Variants in ADCY9 observed in about 807,000 individuals in gnomAD.
ADCY9 encodes the protein adenylate cyclase 9.
Under a neutral mutation model 101.5 loss-of-function variants are expected in ADCY9, and 50 were observed. The ratio of observed to expected loss-of-function variants is 0.49; its 90% CI spans 0.39 to 0.62. The LOEUF (loss-of-function observed/expected upper bound fraction) is 0.62, where lower values mean the gene tolerates loss of function less well. Among genes scored for constraint, ADCY9 ranks in the 20% least tolerant of loss-of-function variants. The pLI, the probability that ADCY9 is intolerant of heterozygous loss-of-function variation, is 0.00. For synonymous variants in ADCY9, 905 were observed against 769.3 expected (o/e 1.18, Z -2.92); for missense variants, 1,662 against 1,800.4 (o/e 0.92, Z 1.39).
chr16:4,097,036 A>C (rs2057007813), intron 2 of ADCY9, among the ~76,000 whole-genome samples: 1 of 152,184 alleles, frequency 6.6e-6, no homozygotes, highest in African/African-American at 2.4e-5. Context: ...ACCAGGAGCT[A>C]CAATATTATT....
downstream of ADCY9, chr16:3,962,544 C>T (rs1267990932): frequency 1.3e-5 from 2 of 152,276 alleles, no homozygotes; most frequent in Middle Eastern, 3.4e-3. Context: ...AAGGCAAACC[C>T]ACCCAGGTGA....
Position 4,114,320 on chromosome 16 carries a change from T to A in ADCY9, c.1123A>T (p.Ile375Phe). Residue 375 changes from isoleucine (I) to phenylalanine (F), a missense_variant, in exon 2 of 11, where the codon ATC (isoleucine) becomes TTC (phenylalanine). By Grantham distance (21) the Ile-to-Phe change is conservative (BLOSUM62 0). This residue lies in a region of ADCY9 where 228 missense variants were observed against 301.1 expected (regional missense o/e 0.76). Transcript: ENST00000294016. This position sits in a 1 kb window ranked among gnomAD's most constrained non-coding sequence, Gnocchi z 4.3. ...CGGAAGGCTATAGGAGCTTTTTGGATGGAAGACTTTTTCTTCCTGTTCTTG... is the reference window on the plus strand; with the variant it reads ...CGGAAGGCTATAGGAGCTTTTTGGAAGGAAGACTTTTTCTTCCTGTTCTTG... ...SPKNRKKKSS[I>F]QKAPIAFRPF... The A allele has an allele frequency of 6.2e-7, 1 of 1,613,994 alleles. No individual in the cohort carries two copies. The highest frequency in any genetic ancestry group is 8.5e-7 in the Non-Finnish European group (1 of 1,180,036).
chr16:4,085,615 G>A (rs1472646797), intron 2 of ADCY9, among the ~76,000 whole-genome samples: 1 of 152,086 alleles, frequency 6.6e-6, no homozygotes, highest in Non-Finnish European at 1.5e-5. Flanking sequence ...ACCCTGACTG[G>A]TTACATGGAA....
At chr16:3,985,672 G>A (rs2056186106) in intron 6 of ADCY9, among the ~76,000 whole-genome samples, 1 of 152,068 alleles carries the variant, frequency 6.6e-6, no homozygotes, top group African/African-American at 2.4e-5. Context: ...CAAGCCAAGG[G>A]CTCGGGTACA....
chr16:4,115,086 C>A lies in ADCY9; in HGVS notation c.357G>T (p.Ala119=). 1 of 1,613,980 alleles carries A rather than the reference C, an allele frequency of 6.2e-7. No homozygotes were observed. The highest frequency in any genetic ancestry group is 8.5e-7 in the Non-Finnish European group (1 of 1,180,036). ...FPQTQRRFRY[A]LFYIGFACLL... The stretch of plus-strand genomic sequence containing the variant: ...GGCAGGCGAAGCCGATGTAGAAGAG[C>A]GCATACCGGAACCGGCGCTGGGTCT... Residue 119 remains alanine, a synonymous_variant, in exon 2 of 11, where the codon GCG becomes GCT. Transcript: ENST00000294016. This position sits in a 1 kb window ranked among gnomAD's most constrained non-coding sequence, Gnocchi z 6.2.
chr16:4,011,393 A>G (rs769145902), intron 2 of ADCY9, among the ~76,000 whole-genome samples: 17 of 152,104 alleles, frequency 1.1e-4, no homozygotes, highest in Non-Finnish European at 2.5e-4. Flanking sequence ...GCGGGAGGAG[A>G]AAGAAGAGCC....
At chr16:4,046,484 C>T (rs76539032) in intron 2 of ADCY9, among the ~76,000 whole-genome samples, 8,139 of 152,248 alleles carry the variant, frequency 0.053, 773 homozygotes, top group African/African-American at 0.19. Flanking sequence ...GCAGAACCAA[C>T]AACATTCCCA....
In ADCY9 at chr16:4,114,002, T is replaced by C. The variant is rs561305813; in HGVS notation, c.1441A>G (p.Lys481Glu). Reference protein sequence around the residue: ...KAIEQFCQEKKEMVNMRVGVH... With the variant: ...KAIEQFCQEKEEMVNMRVGVH... ...CCGACTCTCATGTTCACCATCTCCT[T>C]CTTCTCCTGGCAGAACTGCTCGATG... is the stretch of plus-strand genomic sequence containing the variant. The change falls in exon 2 of 11, where the codon AAG becomes GAG. Residue 481 changes from lysine to glutamate, a missense_variant. Physicochemically the swap from Lys to Glu is moderately conservative, Grantham distance 56. Around this residue, in one of 5 missense-constraint regions of ADCY9, gnomAD observed 228 missense variants for 301.1 expected, o/e 0.76. Coordinates refer to ENST00000294016, the MANE Select transcript of ADCY9 (RefSeq NM_001116.4). The surrounding 1 kb of genome is among the most constrained non-coding windows in gnomAD (Gnocchi z 4.3). 3.7e-5 allele frequency: 60 copies of C among 1,613,828 alleles called. 2 individuals are homozygous for C. In the South Asian group the frequency reaches 5.3e-4, roughly 14 times the overall value.
intron 2 of ADCY9, among the ~76,000 whole-genome samples, chr16:4,055,089 A>G (rs973142767): frequency 6.6e-6 from 1 of 152,202 alleles, no homozygotes; most frequent in Non-Finnish European, 1.5e-5. Context: ...GGGGAGGCAC[A>G]CAAGGCAGAC....
chr16:4,043,382 T>A (rs1451058508), intron 2 of ADCY9, among the ~76,000 whole-genome samples: 2 of 150,634 alleles, frequency 1.3e-5, no homozygotes, highest in African/African-American at 4.9e-5. Context: ...TTTTTCACAA[T>A]GTGGAGTCTG....
chr16:4,089,971 C>G (rs1162825710), intron 2 of ADCY9, among the ~76,000 whole-genome samples: 2 of 152,072 alleles, frequency 1.3e-5, no homozygotes, highest in Non-Finnish European at 2.9e-5. Flanking sequence ...TCCTAACAAA[C>G]AGTAAACCAC....
chr16:4,045,472 G>A (rs2141142867), intron 2 of ADCY9, among the ~76,000 whole-genome samples: 1 of 151,670 alleles, frequency 6.6e-6, no homozygotes, highest in South Asian at 2.1e-4. Flanking sequence ...GCGTGTACCT[G>A]TAATCCCAGC....
intron 2 of ADCY9, among the ~76,000 whole-genome samples, chr16:4,112,667 T>C (rs2057121289): frequency 6.6e-6 from 1 of 152,088 alleles, no homozygotes; most frequent in African/African-American, 2.4e-5. Flanking sequence ...TGTTTAAGTA[T>C]GCAGTGTGTG....
chr16:4,045,704 T>C (rs1006498083), intron 2 of ADCY9, among the ~76,000 whole-genome samples: 3 of 150,626 alleles, frequency 2.0e-5, no homozygotes, highest in East Asian at 3.9e-4. Flanking sequence ...TTGAAAACCC[T>C]TGTGAATTTT....
chr16:4,105,400 G>A (rs187544587), intron 2 of ADCY9, among the ~76,000 whole-genome samples: 4 of 152,132 alleles, frequency 2.6e-5, no homozygotes, highest in Non-Finnish European at 2.9e-5. Context: ...GGCCGGGCAT[G>A]GTGGCTCACA....
intron 5 of ADCY9, among the ~76,000 whole-genome samples, chr16:3,954,661 G>A (rs562928760): frequency 2.6e-5 from 4 of 152,144 alleles, no homozygotes; most frequent in African/African-American, 4.8e-5. Flanking sequence ...AGCATCGCAC[G>A]TTGATGCTGG....
At chr16:4,112,834 T>A (rs543942631) in intron 2 of ADCY9, among the ~76,000 whole-genome samples, 1 of 152,056 alleles carries the variant, frequency 6.6e-6, no homozygotes, top group Non-Finnish European at 1.5e-5. Context: ...GGGGAAGAAA[T>A]GTAGCAGATT....
chr16:3,979,716 G>T (rs781537017), intron 7 of ADCY9, among the ~76,000 whole-genome samples: 1 of 152,226 alleles, frequency 6.6e-6, no homozygotes, highest in African/African-American at 2.4e-5. Flanking sequence ...AGAAGAGGCG[G>T]TCCTGGCATC....
At chr16:4,090,212 A>C (rs929349173) in intron 2 of ADCY9, among the ~76,000 whole-genome samples, 1 of 152,058 alleles carries the variant, frequency 6.6e-6, no homozygotes, top group Admixed American at 6.6e-5. Flanking sequence ...TCCAAGCCCA[A>C]CTTAGCAAAT....
Sources: allele counts gnomAD v4.1 joint callset (sites outside exome capture counted in the v4.1 genomes callset), GRCh38; gene constraint gnomAD v4.1.1; regional missense constraint gnomAD v4.1.1; non-coding constraint Gnocchi (gnomAD v3.1); transcripts MANE v1.5; gene names NCBI Gene and HGNC (gene_info 2026-07-23, HGNC 2026-07-21).